PRDM13: variants seen among roughly 807,000 people sequenced by gnomAD.
PRDM13 encodes PR domain zinc finger protein 13.
PRDM13 carries 15 observed loss-of-function variants against 36.4 expected under a neutral mutation model. The observed-to-expected ratio is 0.41, with a 90% CI of 0.28 to 0.64. PRDM13 has a LOEUF of 0.64. Ranked by LOEUF, PRDM13 falls within the 30% of genes least tolerant of loss-of-function variation. The pLI is 0.29. For synonymous variants in PRDM13, 531 were observed against 467.7 expected (o/e 1.14, Z -1.75); for missense variants, 1,044 against 1,013.5 (o/e 1.03, Z -0.41).
chr6:99,607,081 G>C lies in PRDM13; in HGVS notation c.47G>C (p.Cys16Ser), dbSNP rs1171363994. 1 of 1,613,332 alleles carries C rather than the reference G, an allele frequency of 6.2e-7. No homozygotes were observed. ...CCAGCCACCAGCGTGAGTGCCGACTGCTGCATCCCGGCCGGCTTGCGCCTC... is the reference window on the plus strand; with the variant it reads ...CCAGCCACCAGCGTGAGTGCCGACTCCTGCATCCCGGCCGGCTTGCGCCTC... ...RAPATSVSAD[C>S]CIPAGLRLGP... The change falls in exon 1 of 4, where the codon TGC becomes TCC. Residue 16 changes from cysteine to serine, a missense_variant. Physicochemically the swap from Cys to Ser is moderately radical, Grantham distance 112. This residue lies in a region of PRDM13 where 921 missense variants were observed against 865.2 expected (regional missense o/e 1.06). Coordinates refer to ENST00000369215, the MANE Select transcript of PRDM13 (RefSeq NM_021620.4).
In PRDM13 at chr6:99,614,164, C is replaced by G; in HGVS notation, c.1529C>G (p.Ala510Gly). 1 of 1,601,398 alleles carries G rather than the reference C, an allele frequency of 6.2e-7. No homozygotes were observed. Among genetic ancestry groups the G allele is most frequent in the Non-Finnish European group, 8.5e-7 (1 of 1,176,392 alleles). ...CCTGCAGCGGCCGCCCTAAGCCCCG[C>G]CGAGCTGGGGTCGCTGGCCAGCATC... is the stretch of plus-strand genomic sequence containing the variant. ...SGPAAAALSP[A>G]ELGSLASIDR... The change falls in exon 4 of 4, where the codon GCC (alanine) becomes GGC (glycine). Residue 510 changes from alanine to glycine, a missense_variant. Ala to Gly is a moderately conservative substitution (Grantham distance 60). Transcript: ENST00000369215.
In PRDM13 at chr6:99,614,682, G is replaced by A. The variant is rs531837360; in HGVS notation, c.2047G>A (p.Asp683Asn). 9.3e-6 allele frequency: 15 copies of A among 1,611,016 alleles called. No homozygotes were observed. Among genetic ancestry groups the A allele is most frequent in the African/African-American group, 1.3e-5 (1 of 74,976 alleles). Reference protein sequence around the residue: ...PPEPGDPKSDDSDVDVCFTDD... With the variant: ...PPEPGDPKSDNSDVDVCFTDD... ...GGAGCCTGGGGATCCCAAGAGCGAC[G>A]ACAGTGACGTGGACGTCTGCTTCAC... is the stretch of plus-strand genomic sequence containing the variant. The change falls in exon 4 of 4, where the codon GAC becomes AAC. Residue 683 changes from aspartate to asparagine, a missense_variant. Transcript: ENST00000369215.
chr6:99,613,847 CGT>C lies in PRDM13; in HGVS notation c.1214_1215del (p.Val405GlyfsTer46). On this transcript the variant is annotated frameshift_variant, in exon 4 of 4. Transcript: ENST00000369215. LOFTEE classifies it high-confidence loss of function. This position sits in a 1 kb window ranked among gnomAD's most constrained non-coding sequence, Gnocchi z 6.1. ...PPEEASAFKH[V>X]ERAPPAAAAL... ...CGGAAGAGGCGTCCGCCTTCAAGCA[CGT>C]GGAGCGCGCCCCGCCCGCAGCCGCC... 6.6e-7 allele frequency: 1 copy of C among 1,510,132 alleles called. No individual in the cohort carries two copies. Among genetic ancestry groups the C allele is most frequent in the Non-Finnish European group, 8.8e-7 (1 of 1,136,282 alleles). The allele number at this position is 1,510,132 out of a possible 1,614,324, so 93.5% of individuals were successfully genotyped here. A position where few individuals can be genotyped will look rare whatever the true frequency, so the allele number is the denominator to read the frequency against.
rs934792862 is a variant in PRDM13, at chr6:99,614,980, G to A, written c.*221G>A. ...GTAAATCTGGCCACCTGGAGAGCTCGAGTGCCACCAGTACCTCCGCACCCC... is the reference window on the plus strand; with the variant it reads ...GTAAATCTGGCCACCTGGAGAGCTCAAGTGCCACCAGTACCTCCGCACCCC... On this transcript the variant is annotated 3_prime_UTR_variant, in exon 4 of 4. Transcript: ENST00000369215. The A allele has an allele frequency of 1.9e-5, 12 of 643,262 alleles. No individual in the cohort carries two copies. The Admixed American group carries it at 3.8e-4, about 20-fold the overall frequency. 39.8% of individuals were successfully genotyped at this position (643,262 alleles called of 1,614,324 possible).
At position 99,613,946 on chromosome 6, in the gene PRDM13, G is replaced by T. The variant is rs768832684; in HGVS notation, c.1311G>T (p.Pro437=). ...PGLPLERCAL[P]PLDPGGLKAY... is the part of the protein sequence containing the mutation. ...TGCCCCTCGAGCGCTGCGCGCTGCC[G>T]CCCCTCGACCCGGGCGGTCTCAAAG... Residue 437 remains proline, a synonymous_variant, in exon 4 of 4, where the codon CCG becomes CCT. Coordinates refer to ENST00000369215, the MANE Select transcript of PRDM13 (RefSeq NM_021620.4). This position sits in a 1 kb window ranked among gnomAD's most constrained non-coding sequence, Gnocchi z 6.1. 6.3e-7 allele frequency: 1 copy of T among 1,588,914 alleles called. No individual in the cohort carries two copies. Among genetic ancestry groups the T allele is most frequent in the Non-Finnish European group, 8.5e-7 (1 of 1,171,590 alleles).
Position 99,614,016 on chromosome 6 carries a change from G to C in PRDM13, c.1381G>C (p.Ala461Pro), listed in dbSNP as rs756347003. 1.9e-6 allele frequency: 3 copies of C among 1,610,304 alleles called. No homozygotes were observed. Among genetic ancestry groups the C allele is most frequent in the Non-Finnish European group, 8.5e-7 (1 of 1,179,102 alleles). Residue 461 changes from alanine (A) to proline (P), a missense_variant, in exon 4 of 4, where the codon GCC (alanine) becomes CCC (proline). Coordinates refer to ENST00000369215, the MANE Select transcript of PRDM13 (RefSeq NM_021620.4). The part of the protein sequence containing the change: ...ECSHLPAVMP[A>P]FTVYNGELLY... ...CAGCCACCTGCCCGCCGTCATGCCG[G>C]CCTTTACAGTCTACAACGGGGAGCT...
At chr6:99,608,290 A>T (rs796306604) in intron 1 of PRDM13, among the ~76,000 whole-genome samples, 21 of 152,280 alleles carry the variant, frequency 1.4e-4, no homozygotes, top group African/African-American at 4.8e-4. Context: ...ACTAGGTGCG[A>T]TGCACACAGA....
At position 99,613,688 on chromosome 6, in the gene PRDM13, T is replaced by TCAC. The variant is rs1476011286; in HGVS notation, c.1059_1061dup (p.His357dup). On this transcript the variant is annotated inframe_insertion, in exon 4 of 4. Transcript: ENST00000369215. The surrounding 1 kb of genome is among the most constrained non-coding windows in gnomAD (Gnocchi z 6.1). ...AGAACTCGGCGGCGGGCGGCGCGGG[T>TCAC]CACCACCATCACCACCACGCGCACC... 4 of 1,421,640 alleles carry TCAC rather than the reference T, an allele frequency of 2.8e-6. No homozygotes were observed. In the South Asian group the frequency reaches 5.7e-5, roughly 20 times the overall value. The allele number at this position is 1,421,640 out of a possible 1,614,324, so 88.1% of individuals were successfully genotyped here. A position where few individuals can be genotyped will look rare whatever the true frequency, so the allele number is the denominator to read the frequency against.
In PRDM13 at chr6:99,607,077, G is replaced by C; in HGVS notation, c.43G>C (p.Asp15His). The change falls in exon 1 of 4, where the codon GAC becomes CAC. Residue 15 changes from aspartate (D) to histidine (H), a missense_variant. Transcript: ENST00000369215. Reference sequence around the variant, plus strand: ...AGCGCCAGCCACCAGCGTGAGTGCCGACTGCTGCATCCCGGCCGGCTTGCG... The same window carrying C: ...AGCGCCAGCCACCAGCGTGAGTGCCCACTGCTGCATCCCGGCCGGCTTGCG... ...ARAPATSVSA[D>H]CCIPAGLRLG... The C allele has an allele frequency of 6.2e-7, 1 of 1,613,234 alleles. No homozygotes were observed. The highest frequency in any genetic ancestry group is 8.5e-7 in the Non-Finnish European group (1 of 1,179,806).
At chr6:99,610,236 A>T (rs1770012740) in intron 3 of PRDM13, among the ~76,000 whole-genome samples, 1 of 152,234 alleles carries the variant, frequency 6.6e-6, no homozygotes, top group Admixed American at 6.5e-5. Flanking sequence ...AAGGTGCAGT[A>T]ACTAAACAGA....
chr6:99,611,716 C>T lies in PRDM13; in HGVS notation c.398-1317C>T, dbSNP rs368145492. Among the ~76,000 whole-genome samples, 78 of 152,232 alleles carry T rather than the reference C, an allele frequency of 5.1e-4. 2 individuals are homozygous for T. In the East Asian group the frequency reaches 0.012, roughly 23 times the overall value. On this transcript the variant is annotated intron_variant, in intron 3 of 3. Coordinates refer to ENST00000369215, the MANE Select transcript of PRDM13 (RefSeq NM_021620.4). ...CTGGAATTCTTCCCTATTGTTATTT[C>T]TGTAGTAATATTTCAGAAGTTTGAG...
Position 99,608,779 on chromosome 6 carries a change from G to A in PRDM13, c.183G>A (p.Gly61=). The change falls in exon 2 of 4, where the codon GGG becomes GGA. Residue 61 remains glycine (G), a synonymous_variant. Transcript: ENST00000369215. ...MVRGELVDES[G]GSPLEWIGLI... is the part of the protein sequence containing the mutation. The stretch of plus-strand genomic sequence containing the variant: ...GAGGGGAGCTGGTGGACGAGTCGGG[G>A]GGCTCCCCTCTGGAGTGGATAGGGT... The A allele has an allele frequency of 1.2e-6, 2 of 1,612,588 alleles. No individual in the cohort carries two copies. The highest frequency in any genetic ancestry group is 1.7e-6 in the Non-Finnish European group (2 of 1,179,376).
Position 99,613,817 on chromosome 6 carries a change from C to A in PRDM13, c.1182C>A (p.Val394=). Residue 394 remains valine (V), a synonymous_variant, in exon 4 of 4, where the codon GTC becomes GTA. Coordinates refer to ENST00000369215, the MANE Select transcript of PRDM13 (RefSeq NM_021620.4). The surrounding 1 kb of genome is among the most constrained non-coding windows in gnomAD (Gnocchi z 6.1). ...GALRGFPLLS[V]PPEEASAFKH... is the part of the protein sequence containing the mutation. ...TGCGCGGCTTCCCTCTGCTCTCCGT[C>A]CCCCCGGAAGAGGCGTCCGCCTTCA... The A allele has an allele frequency of 2.6e-6, 4 of 1,510,290 alleles. No homozygotes were observed. Among genetic ancestry groups the A allele is most frequent in the Non-Finnish European group, 3.5e-6 (4 of 1,136,652 alleles). The allele number at this position is 1,510,290 out of a possible 1,614,324, so 93.6% of individuals were successfully genotyped here. A position where few individuals can be genotyped will look rare whatever the true frequency, so the allele number is the denominator to read the frequency against.
At position 99,607,129 on chromosome 6, in the gene PRDM13, A is replaced by G. The variant is rs776578677; in HGVS notation, c.95A>G (p.Lys32Arg). The change falls in exon 1 of 4, where the codon AAG (lysine) becomes AGG (arginine). Residue 32 changes from lysine (K) to arginine (R), a missense_variant. Transcript: ENST00000369215. ...CTCGGACCGGTGCCTGGTACCTTCA[A>G]GCTGGGCAAGTACCTGTCAGACCGC... ...LRLGPVPGTF[K>R]LGKYLSDRRE... 1.2e-6 allele frequency: 2 copies of G among 1,613,970 alleles called. No homozygotes were observed. The highest frequency in any genetic ancestry group is 3.3e-5 in the Admixed American group (2 of 60,028).
Position 99,613,919 on chromosome 6 carries a change from G to T in PRDM13, c.1284G>T (p.Gly428=), listed in dbSNP as rs1244923313. The change falls in exon 4 of 4, where the codon GGG becomes GGT. Residue 428 remains glycine, a synonymous_variant. Transcript: ENST00000369215. This position sits in a 1 kb window ranked among gnomAD's most constrained non-coding sequence, Gnocchi z 6.1. ...ARYAQLPPAP[G]LPLERCALPP... is the part of the protein sequence containing the mutation. ...ATGCGCAGCTGCCCCCTGCGCCGGG[G>T]TTGCCCCTCGAGCGCTGCGCGCTGC... The T allele has an allele frequency of 1.3e-6, 2 of 1,586,180 alleles. No individual in the cohort carries two copies. The highest frequency in any genetic ancestry group is 1.1e-5 in the South Asian group (1 of 88,582).
intron 3 of PRDM13, 34 bp downstream of exon 3, chr6:99,609,341 C>G: frequency 6.2e-7 from 1 of 1,609,060 alleles, no homozygotes; most frequent in Non-Finnish European, 8.5e-7. Context: ...GGGCAAAAGT[C>G]CAGCCCTCCT....
Position 99,613,865 on chromosome 6 carries a change from C to G in PRDM13, c.1230C>G (p.Pro410=). The G allele has an allele frequency of 1.3e-6, 2 of 1,509,730 alleles. No homozygotes were observed. The highest frequency in any genetic ancestry group is 2.5e-5 in the South Asian group (2 of 80,808). 93.5% of individuals were successfully genotyped at this position (1,509,730 alleles called of 1,614,324 possible). Residue 410 remains proline, a synonymous_variant, in exon 4 of 4, where the codon CCC becomes CCG. Transcript: ENST00000369215. This position sits in a 1 kb window ranked among gnomAD's most constrained non-coding sequence, Gnocchi z 6.1. ...SAFKHVERAP[P]AAAALPGARY... ...TCAAGCACGTGGAGCGCGCCCCGCC[C>G]GCAGCCGCCGCGCTGCCAGGAGCGC...
intron 1 of PRDM13, among the ~76,000 whole-genome samples, chr6:99,607,414 C>T (rs1313589936): frequency 1.3e-5 from 2 of 152,078 alleles, no homozygotes; most frequent in Non-Finnish European, 2.9e-5. Flanking sequence ...GGGTGGGGTG[C>T]ACTGAGCGCT....
chr6:99,607,201 C>T (rs746599782), intron 1 of PRDM13, 23 bp downstream of exon 1: 2 of 1,610,970 alleles, frequency 1.2e-6, no homozygotes, highest in Non-Finnish European at 1.7e-6. Flanking sequence ...CAGACCTCTG[C>T]CCACTGCCAT....
Sources: allele counts gnomAD v4.1 joint callset (sites outside exome capture counted in the v4.1 genomes callset), GRCh38; gene constraint gnomAD v4.1.1; regional missense constraint gnomAD v4.1.1; non-coding constraint Gnocchi (gnomAD v3.1); transcripts MANE v1.5; gene names NCBI Gene and HGNC (gene_info 2026-07-23, HGNC 2026-07-21).